The following MAMDC2 variants were observed in gnomAD, a reference collection of about 807,000 sequenced individuals.
The protein encoded by MAMDC2 is MAM domain containing 2, also known as MAM domain-containing protein 2.
MAMDC2 carries 57 observed loss-of-function variants against 89.8 expected under a neutral mutation model. That is an observed-to-expected ratio of 0.63 (90% CI 0.51 to 0.79). The LOEUF is 0.79. MAMDC2 is among the 30% of genes least tolerant of loss of function. MAMDC2 has a pLI of 0.00. For missense variants in MAMDC2, 800 were observed against 820.6 expected, an observed-to-expected ratio of 0.97 and a Z score of 0.31; for synonymous variants, 313 against 293.4, an observed-to-expected ratio of 1.07 and a Z score of -0.68.
intron 11 of MAMDC2, among the ~76,000 whole-genome samples, chr9:70,196,123 A>G (rs1800217152): frequency 6.6e-6 from 1 of 152,102 alleles, no homozygotes; most frequent in Non-Finnish European, 1.5e-5. Flanking sequence ...TTAAATGAGC[A>G]GATCTCATGA....
At chr9:70,205,081 C>T (rs762654174) in intron 11 of MAMDC2, among the ~76,000 whole-genome samples, 4 of 152,172 alleles carry the variant, frequency 2.6e-5, no homozygotes, top group East Asian at 3.9e-4. Context: ...GGCTCCTCCC[C>T]GCTTATTTTT....
chr9:70,178,411 G>A (rs1029915990), intron 11 of MAMDC2, among the ~76,000 whole-genome samples: 16 of 152,150 alleles, frequency 1.1e-4, no homozygotes, highest in Non-Finnish European at 2.4e-4. Flanking sequence ...CATTAACAAG[G>A]GCAGTGCCCC....
chr9:70,155,923 TG>T (rs1310186888), intron 9 of MAMDC2, among the ~76,000 whole-genome samples: 1 of 152,216 alleles, frequency 6.6e-6, no homozygotes, highest in African/African-American at 2.4e-5. Context: ...TTTTACTTGT[TG>T]GAATGGTATT....
At chr9:70,221,433 A>T (rs7469211) in intron 12 of MAMDC2, among the ~76,000 whole-genome samples, 4 of 90,576 alleles carry the variant, frequency 4.4e-5, no homozygotes, top group Admixed American at 1.2e-4. Flanking sequence ...AAGTGCTATG[A>T]AGAAGTCAAG....
intron 11 of MAMDC2, chr9:70,194,632 C>T (rs1334986805): frequency 1.3e-5 from 2 of 152,136 alleles, no homozygotes; most frequent in African/African-American, 4.8e-5. Context: ...AACAGACTCA[C>T]ATCTGCTAAT....
intron 2 of MAMDC2, chr9:70,086,395 A>G (rs2118156560): frequency 6.6e-6 from 1 of 152,284 alleles, no homozygotes; most frequent in South Asian, 2.1e-4. Flanking sequence ...TTGTGAAACA[A>G]GTGCTCTTTG....
At chr9:70,089,717 G>A (rs1827846719) in intron 2 of MAMDC2, among the ~76,000 whole-genome samples, 1 of 152,082 alleles carries the variant, frequency 6.6e-6, no homozygotes, top group African/African-American at 2.4e-5. Context: ...GCTAGCTTTA[G>A]GTCCAAATAA....
chr9:70,110,619 G>T (rs1442044540), intron 4 of MAMDC2, among the ~76,000 whole-genome samples: 1 of 152,188 alleles, frequency 6.6e-6, no homozygotes, highest in African/African-American at 2.4e-5. Flanking sequence ...ACTGCTAAGG[G>T]AGTTTGTGAT....
At chr9:70,118,333 C>CACACACACACACACACAG (rs1563962396) in intron 5 of MAMDC2, among the ~76,000 whole-genome samples, 1 of 82,688 alleles carries the variant, frequency 1.2e-5, no homozygotes, top group African/African-American at 3.7e-5. Flanking sequence ...CACACACACA[C>CACACACACACACACACAG]ACACACACAC....
chr9:70,199,532 G>C (rs1215550660), intron 11 of MAMDC2, among the ~76,000 whole-genome samples: 9 of 145,406 alleles, frequency 6.2e-5, no homozygotes, highest in Admixed American at 5.7e-4. Flanking sequence ...TGTCTTTATA[G>C]CAGCATGATT....
At chr9:70,183,490 T>A (rs943400234) in intron 11 of MAMDC2, among the ~76,000 whole-genome samples, 2 of 152,228 alleles carry the variant, frequency 1.3e-5, no homozygotes, top group South Asian at 4.1e-4. Flanking sequence ...AGTCTCTTTG[T>A]ATGTCTTTAG....
intron 11 of MAMDC2, chr9:70,216,357 T>C (rs2033445391): frequency 6.6e-6 from 1 of 152,072 alleles, no homozygotes; most frequent in Non-Finnish European, 1.5e-5. Context: ...TGAGGGCTCT[T>C]TTCCTAGTTT....
At chr9:70,152,110 C>A (rs1383683657) in intron 9 of MAMDC2, among the ~76,000 whole-genome samples, 1 of 152,166 alleles carries the variant, frequency 6.6e-6, no homozygotes, top group African/African-American at 2.4e-5. Flanking sequence ...TGCCTTCTGC[C>A]TCCCCTGTGC....
chr9:70,173,476 A>T (rs1189391605), intron 11 of MAMDC2, among the ~76,000 whole-genome samples: 1 of 152,192 alleles, frequency 6.6e-6, no homozygotes, highest in Non-Finnish European at 1.5e-5. Flanking sequence ...AGAAAATCGG[A>T]TGGTGGAAAG....
chr9:70,047,189 C>CT (rs1201781223), intron 2 of MAMDC2, among the ~76,000 whole-genome samples: 9 of 141,800 alleles, frequency 6.3e-5, no homozygotes, highest in African/African-American at 2.4e-4. Context: ...CCCACATGCA[C>CT]TTCTTTTTTT....
intron 2 of MAMDC2, among the ~76,000 whole-genome samples, chr9:70,105,129 C>T (rs1467514309): frequency 6.6e-6 from 1 of 152,026 alleles, no homozygotes; most frequent in South Asian, 2.1e-4. Flanking sequence ...AGGCAACATC[C>T]TTGACATTAA....
At chr9:70,156,608 C>T (rs1182982844) in intron 9 of MAMDC2, among the ~76,000 whole-genome samples, 1 of 152,124 alleles carries the variant, frequency 6.6e-6, no homozygotes, top group Admixed American at 6.6e-5. Flanking sequence ...ACAAGATAAT[C>T]AACACATTAT....
At chr9:70,144,081 A>G in intron 9 of MAMDC2, among the ~76,000 whole-genome samples, 1 of 152,238 alleles carries the variant, frequency 6.6e-6, no homozygotes, top group East Asian at 1.9e-4. Flanking sequence ...AAAGACTGAG[A>G]GTACATGAAT....
chr9:70,064,343 T>C (rs1411081387), intron 2 of MAMDC2, among the ~76,000 whole-genome samples: 1 of 152,146 alleles, frequency 6.6e-6, no homozygotes, highest in Non-Finnish European at 1.5e-5. Flanking sequence ...CCAAAGTCCA[T>C]TGTATCACTC....
Sources: gnomAD v4.1 joint callset for allele counts (sites outside exome capture counted in the v4.1 genomes callset) on GRCh38, gnomAD v4.1.1 for gene constraint, MANE v1.5 for transcripts, NCBI Gene and HGNC (gene_info 2026-07-23, HGNC 2026-07-21) for gene names.